Variants in BRINP3 observed in about 807,000 individuals in gnomAD.
BRINP3 encodes the protein BMP/retinoic acid inducible neural specific 3, also known as BMP/retinoic acid-inducible neural-specific protein 3.
A neutral mutation model predicts 71.0 loss-of-function variants in BRINP3; 19 were observed. The observed-to-expected ratio is 0.27, with a 90% CI of 0.19 to 0.39. The LOEUF is 0.39. Among genes scored for constraint, BRINP3 ranks in the 10% least tolerant of loss-of-function variants. The pLI is 1.00. For missense variants in BRINP3, 959 were observed against 940.8 expected, an observed-to-expected ratio of 1.02 and a Z score of -0.25; for synonymous variants, 380 against 337.7, an observed-to-expected ratio of 1.13 and a Z score of -1.37.
intron 6 of BRINP3, among the ~76,000 whole-genome samples, chr1:190,184,395 G>A (rs1653316854): frequency 6.6e-6 from 1 of 152,064 alleles, no homozygotes; most frequent in Admixed American, 6.6e-5. Context: ...ATACCCAAAA[G>A]GAAATAGCTC....
Position 190,097,850 on chromosome 1 carries a change from T to C in BRINP3, c.*168A>G, listed in dbSNP as rs1651338575. ...CATAAACCAAAACTGCTGTATAATA[T>C]ATTCATTGTCAGCAAGTTCATGTGT... On this transcript the variant is annotated 3_prime_UTR_variant, in exon 8 of 8. Coordinates refer to ENST00000367462, the MANE Select transcript of BRINP3 (RefSeq NM_199051.3). 1.4e-6 allele frequency: 1 copy of C among 703,540 alleles called. No individual in the cohort carries two copies. Among genetic ancestry groups the C allele is most frequent in the African/African-American group, 1.8e-5 (1 of 55,916 alleles). 43.6% of individuals were successfully genotyped at this position (703,540 alleles called of 1,614,324 possible). A position where few individuals can be genotyped will look rare whatever the true frequency, so the allele number is the denominator to read the frequency against.
rs144478600 is a variant in BRINP3 at position 190,417,053 on chromosome 1, A to G, written c.236+37602T>C. Among the ~76,000 whole-genome samples, 253 of 152,292 alleles carry G rather than the reference A, an allele frequency of 1.7e-3. 1 individual carries two copies. Among genetic ancestry groups the G allele is most frequent in the African/African-American group, 5.9e-3 (244 of 41,568 alleles). ...TAAAATTAGTTTTAAGATGCTCCCC[A>G]TGTTTCCTGTTGCTAAGGAACTTAC... is the stretch of plus-strand genomic sequence containing the variant. On this transcript the variant is annotated intron_variant, in intron 2 of 7. Transcript: ENST00000367462.
intron 3 of BRINP3, among the ~76,000 whole-genome samples, chr1:190,279,265 A>C (rs1244148717): frequency 6.6e-6 from 1 of 151,712 alleles, no homozygotes; most frequent in African/African-American, 2.4e-5. Context: ...CTTCACAATT[A>C]TTAAAATATT....
At chr1:190,119,127 C>T (rs1274803533) in intron 7 of BRINP3, among the ~76,000 whole-genome samples, 3 of 152,060 alleles carry the variant, frequency 2.0e-5, no homozygotes, top group African/African-American at 4.8e-5. Context: ...AGATTGCATT[C>T]AATTCTGTAC....
chr1:190,408,606 A>G (rs2102398057), intron 2 of BRINP3, among the ~76,000 whole-genome samples: 1 of 152,314 alleles, frequency 6.6e-6, no homozygotes, highest in African/African-American at 2.4e-5. Flanking sequence ...TTTAAAACAC[A>G]TGGGTCAGTG....
intron 2 of BRINP3, among the ~76,000 whole-genome samples, chr1:190,441,725 G>A (rs1674835189): frequency 6.6e-6 from 1 of 152,030 alleles, no homozygotes; most frequent in African/African-American, 2.4e-5. Flanking sequence ...TATTTTTAAT[G>A]AGATATGGAC....
intron 6 of BRINP3, among the ~76,000 whole-genome samples, chr1:190,200,603 G>C (rs1395190584): frequency 6.6e-6 from 1 of 151,954 alleles, no homozygotes; most frequent in East Asian, 1.9e-4. Flanking sequence ...GTCATGTGAT[G>C]ATGGAAGATG....
intron 2 of BRINP3, among the ~76,000 whole-genome samples, chr1:190,289,721 T>A (rs915228397): frequency 6.6e-6 from 1 of 151,944 alleles, no homozygotes; most frequent in Non-Finnish European, 1.5e-5. Flanking sequence ...TTATATAATA[T>A]AAACTTCTTA....
intron 2 of BRINP3, among the ~76,000 whole-genome samples, chr1:190,335,191 T>A (rs527713905): frequency 9.2e-5 from 14 of 151,878 alleles, no homozygotes; most frequent in African/African-American, 3.4e-4. Context: ...TATGACAAAA[T>A]AGGCTGAAGT....
chr1:190,133,565 T>G (rs1358596657), intron 7 of BRINP3, among the ~76,000 whole-genome samples: 1 of 151,986 alleles, frequency 6.6e-6, no homozygotes, highest in Non-Finnish European at 1.5e-5. Flanking sequence ...GGATGCAGGC[T>G]AAAAATATAT....
intron 6 of BRINP3, among the ~76,000 whole-genome samples, chr1:190,165,166 A>ATG (rs1651380162): frequency 6.6e-6 from 1 of 152,136 alleles, no homozygotes; most frequent in African/African-American, 2.4e-5. Context: ...TGATATATAT[A>ATG]TAAAGAATCC....
At chr1:190,371,035 A>G (rs1669826904) in intron 2 of BRINP3, among the ~76,000 whole-genome samples, 1 of 152,274 alleles carries the variant, frequency 6.6e-6, no homozygotes, top group African/African-American at 2.4e-5. Context: ...CTATTTGTTC[A>G]ATTGCTATTG....
chr1:190,219,004 C>T (rs1278646485), intron 6 of BRINP3, among the ~76,000 whole-genome samples: 1 of 152,112 alleles, frequency 6.6e-6, no homozygotes, highest in Non-Finnish European at 1.5e-5. Flanking sequence ...TTGGGACCAA[C>T]TCCATTCAGG....
chr1:190,350,091 G>A (rs1238333663), intron 2 of BRINP3, among the ~76,000 whole-genome samples: 2 of 152,024 alleles, frequency 1.3e-5, no homozygotes, highest in Admixed American at 6.6e-5. Context: ...AGATAAAATG[G>A]CAAGGAGGTA....
intron 7 of BRINP3, among the ~76,000 whole-genome samples, chr1:190,114,841 A>G (rs1041824048): frequency 6.6e-6 from 1 of 152,110 alleles, no homozygotes; most frequent in African/African-American, 2.4e-5. Flanking sequence ...CTGAGCATTT[A>G]CATTTGCTGT....
At chr1:190,360,343 G>C (rs1669058097) in intron 2 of BRINP3, among the ~76,000 whole-genome samples, 1 of 152,146 alleles carries the variant, frequency 6.6e-6, no homozygotes, top group African/African-American at 2.4e-5. Context: ...TACTAGAAAA[G>C]CATGTAGGAA....
chr1:190,207,309 C>T (rs976912275), intron 6 of BRINP3, among the ~76,000 whole-genome samples: 6 of 151,996 alleles, frequency 3.9e-5, no homozygotes, highest in Non-Finnish European at 7.4e-5. Context: ...ATAGCCAGTG[C>T]GACAAATTTG....
chr1:190,230,469 G>A lies in BRINP3; in HGVS notation c.724+3903C>T, dbSNP rs149026440. Among the ~76,000 whole-genome samples the A allele has an allele frequency of 1.6e-3, 237 of 151,712 alleles. 2 individuals are homozygous for A. Among genetic ancestry groups the A allele is most frequent in the African/African-American group, 5.5e-3 (226 of 41,406 alleles). On this transcript the variant is annotated intron_variant, in intron 5 of 7. Coordinates refer to ENST00000367462, the MANE Select transcript of BRINP3 (RefSeq NM_199051.3). Reference sequence around the variant, plus strand: ...GAGTAAGCTCCTGTTTAAAATTTTCGTTATACATAAAAGAGGCCCAAAGCT... The same window carrying A: ...GAGTAAGCTCCTGTTTAAAATTTTCATTATACATAAAAGAGGCCCAAAGCT...
At chr1:190,420,323 A>C (rs1673292092) in intron 2 of BRINP3, among the ~76,000 whole-genome samples, 1 of 152,006 alleles carries the variant, frequency 6.6e-6, no homozygotes, top group Non-Finnish European at 1.5e-5. Context: ...GTGTGCAAAA[A>C]GTTGTAGATT....
Sources: allele counts gnomAD v4.1 joint callset (sites outside exome capture counted in the v4.1 genomes callset), GRCh38; gene constraint gnomAD v4.1.1; transcripts MANE v1.5; gene names NCBI Gene and HGNC (gene_info 2026-07-23, HGNC 2026-07-21).